USP15: variants seen among roughly 807,000 people sequenced by gnomAD.
The protein encoded by USP15 is ubiquitin carboxyl-terminal hydrolase 15.
In USP15, 18 loss-of-function variants were observed where a neutral mutation model predicts 127.1. The ratio of observed to expected loss-of-function variants is 0.14; its 90% confidence interval spans 0.10 to 0.21. The LOEUF is 0.21. Among genes scored for constraint, USP15 ranks in the 10% least tolerant of loss-of-function variants. The pLI is 1.00. For missense variants in USP15, 805 were observed against 1,159.9 expected (o/e 0.69, Z 4.44); for synonymous variants, 364 against 393.7 (o/e 0.92, Z 0.89).
intron 11 of USP15, among the ~76,000 whole-genome samples, chr12:62,388,839 T>C (rs1479907825): frequency 2.0e-5 from 3 of 152,044 alleles, no homozygotes; most frequent in African/African-American, 7.2e-5. Flanking sequence ...TTTAAGATAC[T>C]AAAAGTGGGG....
At position 62,260,532 on chromosome 12, in the gene USP15, G is replaced by T; in HGVS notation, c.89+29G>T. ...AGAGAAAGGGGTTGAGATGCCCGCG[G>T]TTGCCCGAGGATAGTGGAGAAGTGG... On this transcript the variant is annotated intron_variant, in intron 1 of 21. Coordinates refer to ENST00000280377, the MANE Select transcript of USP15 (RefSeq NM_001252078.2). 1.9e-6 allele frequency: 3 copies of T among 1,545,516 alleles called. No homozygotes were observed. In the South Asian group the frequency reaches 3.6e-5, roughly 18 times the overall value.
At chr12:62,326,098 C>T (rs2065113692) in intron 6 of USP15, among the ~76,000 whole-genome samples, 165 bp downstream of exon 6, 1 of 152,090 alleles carries the variant, frequency 6.6e-6, no homozygotes, top group African/African-American at 2.4e-5. Context: ...TAAATTTGCT[C>T]TTAATTAATA....
At chr12:62,394,907 A>C (rs536268716) in intron 19 of USP15, among the ~76,000 whole-genome samples, 1 of 151,918 alleles carries the variant, frequency 6.6e-6, no homozygotes, top group Non-Finnish European at 1.5e-5. Flanking sequence ...TCAGAGATGT[A>C]TTTAAAATTT....
intron 6 of USP15, among the ~76,000 whole-genome samples, chr12:62,338,058 T>G (rs961524777): frequency 1.3e-5 from 2 of 152,204 alleles, no homozygotes; most frequent in African/African-American, 4.8e-5. Flanking sequence ...ATCGCCACAC[T>G]GTCTTCCACA....
intron 1 of USP15, among the ~76,000 whole-genome samples, chr12:62,268,443 C>A (rs1455615401): frequency 6.6e-6 from 1 of 152,078 alleles, no homozygotes; most frequent in Non-Finnish European, 1.5e-5. Flanking sequence ...TTATTAATAT[C>A]AAGAGCCTCT....
chr12:62,379,732 G>A (rs1168075434), intron 8 of USP15, among the ~76,000 whole-genome samples: 1 of 152,042 alleles, frequency 6.6e-6, no homozygotes, highest in Non-Finnish European at 1.5e-5. Flanking sequence ...ATTCCTATCT[G>A]ACCTGTCCTT....
At chr12:62,392,497 A>G in intron 18 of USP15, 110 bp downstream of exon 18, 3 of 737,832 alleles carry the variant, frequency 4.1e-6, no homozygotes, top group Non-Finnish European at 6.4e-6. Context: ...GATGTTTTAA[A>G]TAGTAAAGGA....
intron 6 of USP15, among the ~76,000 whole-genome samples, chr12:62,329,366 A>G (rs920025843): frequency 6.6e-6 from 1 of 152,168 alleles, no homozygotes; most frequent in African/African-American, 2.4e-5. Flanking sequence ...GTGAGACTCT[A>G]TCTGAAAATA....
intron 8 of USP15, among the ~76,000 whole-genome samples, chr12:62,355,712 C>A (rs561343333): frequency 1.3e-5 from 2 of 148,448 alleles, no homozygotes; most frequent in Admixed American, 1.4e-4. Flanking sequence ...TATCACTTTG[C>A]AAAAATATAA....
chr12:62,330,057 A>G (rs958950562), intron 6 of USP15, among the ~76,000 whole-genome samples: 1 of 152,204 alleles, frequency 6.6e-6, no homozygotes, highest in African/African-American at 2.4e-5. Context: ...CAATGGTGAG[A>G]TCTTTAAAAC....
chr12:62,372,883 T>G (rs1394296512), intron 8 of USP15, among the ~76,000 whole-genome samples: 1 of 152,088 alleles, frequency 6.6e-6, no homozygotes, highest in Middle Eastern at 3.2e-3. Context: ...CCAACATTTC[T>G]TAATGTTATT....
At chr12:62,370,666 ACCT>A (rs1300622229) in intron 8 of USP15, among the ~76,000 whole-genome samples, 4 of 152,108 alleles carry the variant, frequency 2.6e-5, no homozygotes, top group Admixed American at 2.0e-4. Context: ...CTCACTCTTG[ACCT>A]CCTGTTTGCT....
At chr12:62,330,757 CAA>C (rs201549202) in intron 6 of USP15, among the ~76,000 whole-genome samples, 1 of 123,218 alleles carries the variant, frequency 8.1e-6, no homozygotes. Context: ...CCCGTCTCTA[CAA>C]AAAAAAAAAA....
At chr12:62,316,056 G>A (rs960437857) in intron 4 of USP15, among the ~76,000 whole-genome samples, 2 of 152,014 alleles carry the variant, frequency 1.3e-5, no homozygotes, top group Non-Finnish European at 2.9e-5. Flanking sequence ...AGGCTCAGGC[G>A]GGTGGATCGC....
intron 3 of USP15, chr12:62,303,347 G>GA (rs1182019333): frequency 6.6e-6 from 1 of 152,568 alleles, no homozygotes; most frequent in Non-Finnish European, 1.5e-5. Context: ...TTTTAAACTT[G>GA]AAAATGTAGA....
At chr12:62,369,615 G>A (rs545543543) in intron 8 of USP15, among the ~76,000 whole-genome samples, 13 of 152,002 alleles carry the variant, frequency 8.6e-5, no homozygotes, top group East Asian at 1.9e-4. Context: ...ATTATATACC[G>A]GATTTGGTGT....
In USP15 at chr12:62,300,708, C is replaced by CA. The variant is rs1305480622; in HGVS notation, c.218-2076dup. ...CCTTGAGTATTTGGATATCTGTTTG[C>CA]AAAAAACTGAATTTTGATGCATACA... On this transcript the variant is annotated intron_variant, in intron 2 of 21. Coordinates refer to ENST00000280377, the MANE Select transcript of USP15 (RefSeq NM_001252078.2). 5.9e-5 allele frequency among the ~76,000 whole-genome samples: 9 copies of CA among 152,068 alleles called. No homozygotes were observed. In the South Asian group the frequency reaches 1.0e-3, roughly 18 times the overall value.
At chr12:62,369,225 T>G (rs2066583979) in intron 8 of USP15, among the ~76,000 whole-genome samples, 1 of 152,184 alleles carries the variant, frequency 6.6e-6, no homozygotes, top group Non-Finnish European at 1.5e-5. Context: ...GAGGGTGAAA[T>G]TTGAGTCACA....
chr12:62,372,957 G>A (rs186642502), intron 8 of USP15, among the ~76,000 whole-genome samples: 4 of 151,854 alleles, frequency 2.6e-5, no homozygotes, highest in East Asian at 1.9e-4. Context: ...TAAAATTCAC[G>A]AATAGCCTGT....
Sources: allele counts gnomAD v4.1 joint callset (sites outside exome capture counted in the v4.1 genomes callset), GRCh38; gene constraint gnomAD v4.1.1; transcripts MANE v1.5; gene names NCBI Gene and HGNC (gene_info 2026-07-23, HGNC 2026-07-21).